SWAP70: variants seen among roughly 807,000 people sequenced by gnomAD.
SWAP70 encodes switching B cell complex subunit SWAP70.
Under a neutral mutation model 80.2 loss-of-function variants are expected in SWAP70, and 34 were observed. That is an observed-to-expected ratio of 0.42 (90% CI 0.32 to 0.56). The LOEUF is 0.56. Among genes scored for constraint, SWAP70 ranks in the 20% least tolerant of loss-of-function variants. The pLI, the probability that SWAP70 is intolerant of heterozygous loss-of-function variation, is 0.09. For missense variants in SWAP70, 578 were observed against 690.7 expected, an observed-to-expected ratio of 0.84 and a Z score of 1.83; for synonymous variants, 239 against 238.5, an observed-to-expected ratio of 1.00 and a Z score of -0.02.
intron 9 of SWAP70, among the ~76,000 whole-genome samples, chr11:9,747,346 G>A (rs1032910663): frequency 2.6e-5 from 4 of 152,206 alleles, no homozygotes; most frequent in South Asian, 4.1e-4. Context: ...TTCTGTCTGC[G>A]TTCACTCCTT....
At chr11:9,732,028 T>C (rs1437506410) in intron 6 of SWAP70, among the ~76,000 whole-genome samples, 4 of 152,230 alleles carry the variant, frequency 2.6e-5, no homozygotes, top group Non-Finnish European at 4.4e-5. Flanking sequence ...TTACCTGTTA[T>C]CTCAGGAAGG....
At chr11:9,707,923 G>GT (rs1477850788) in intron 2 of SWAP70, among the ~76,000 whole-genome samples, 2 of 152,058 alleles carry the variant, frequency 1.3e-5, no homozygotes, top group Non-Finnish European at 2.9e-5. Context: ...GGAACAGGTG[G>GT]TTTTTTTGTT....
At chr11:9,703,293 T>TA (rs1850856511) in intron 2 of SWAP70, 1 of 451,484 alleles carries the variant, frequency 2.2e-6, no homozygotes. Context: ...AACATTCCGT[T>TA]ACGGATATAC....
Position 9,747,888 on chromosome 11 carries a change from T to C in SWAP70, c.1386T>C (p.Ala462=). The C allele has an allele frequency of 6.2e-7, 1 of 1,614,188 alleles. No homozygotes were observed. ...RLLEEESSKR[A]ELEKWHLEQQ... is the part of the protein sequence containing the mutation. The stretch of plus-strand genomic sequence containing the variant: ...TGGAGGAAGAGTCTTCCAAGAGGGC[T>C]GAACTAGAAAAGTGGCACTTGGAGC... Residue 462 remains alanine (A), a synonymous_variant, in exon 10 of 12, where the codon GCT becomes GCC. Transcript: ENST00000318950.
intron 8 of SWAP70, among the ~76,000 whole-genome samples, chr11:9,739,395 C>T (rs1851406406): frequency 6.6e-6 from 1 of 152,216 alleles, no homozygotes; most frequent in Admixed American, 6.5e-5. Context: ...GCCAGAATGT[C>T]TGGTCTTGTT....
rs183987438 is a variant in SWAP70, at chr11:9,731,082, C to T, written c.899-1447C>T. Among the ~76,000 whole-genome samples the T allele has an allele frequency of 3.7e-4, 57 of 152,286 alleles. 1 individual carries two copies. Among genetic ancestry groups the T allele is most frequent in the African/African-American group, 1.2e-3 (51 of 41,560 alleles). The stretch of plus-strand genomic sequence containing the variant: ...TGCTTAGCATAGTGGCCTCTAGCTG[C>T]ATCCATGTTGCTGCAGAAGACATGA... On this transcript the variant is annotated intron_variant, in intron 6 of 11. Coordinates refer to ENST00000318950, the MANE Select transcript of SWAP70 (RefSeq NM_015055.4).
At chr11:9,722,080 G>A (rs1268691910) in intron 3 of SWAP70, among the ~76,000 whole-genome samples, 1 of 151,462 alleles carries the variant, frequency 6.6e-6, no homozygotes, top group East Asian at 1.9e-4. Context: ...ATTTTGAATG[G>A]TTGAATAGTA....
intron 1 of SWAP70, among the ~76,000 whole-genome samples, chr11:9,679,531 C>T (rs1330003188): frequency 6.6e-6 from 1 of 152,134 alleles, no homozygotes; most frequent in Non-Finnish European, 1.5e-5. Flanking sequence ...TGATCGTCTT[C>T]AGTGATGATT....
intron 7 of SWAP70, 63 bp from the exon 8 acceptor site, chr11:9,738,150 C>T: frequency 8.7e-7 from 1 of 1,143,914 alleles, no homozygotes; most frequent in Non-Finnish European, 1.2e-6. Context: ...GACTGTCTCT[C>T]TCTCTTTAAT....
chr11:9,678,475 T>G (rs1485277727), intron 1 of SWAP70, among the ~76,000 whole-genome samples: 1 of 148,826 alleles, frequency 6.7e-6, no homozygotes, highest in African/African-American at 2.4e-5. Context: ...TTGGACATTT[T>G]TATGTTTTTT....
chr11:9,680,163 C>G (rs1850549370), intron 1 of SWAP70, among the ~76,000 whole-genome samples: 1 of 152,080 alleles, frequency 6.6e-6, no homozygotes, highest in African/African-American at 2.4e-5. Flanking sequence ...AGCCTTGTCC[C>G]TTAAGTTGAG....
chr11:9,714,707 A>G (rs1851042203), intron 3 of SWAP70, among the ~76,000 whole-genome samples: 1 of 152,010 alleles, frequency 6.6e-6, no homozygotes, highest in Admixed American at 6.6e-5. Context: ...AGCAAAGGGC[A>G]TGTTCTAAAA....
intron 7 of SWAP70, 77 bp downstream of exon 7, chr11:9,732,787 G>C (rs1201054510): frequency 4.3e-5 from 58 of 1,360,972 alleles, no homozygotes; most frequent in Non-Finnish European, 5.5e-5. Context: ...AGGGGTGTTG[G>C]TTCTACCAAG....
intron 2 of SWAP70, among the ~76,000 whole-genome samples, chr11:9,712,308 A>G (rs1348617731): frequency 2.0e-5 from 3 of 152,212 alleles, no homozygotes; most frequent in Non-Finnish European, 4.4e-5. Flanking sequence ...ATTGAATTAT[A>G]CACTGTTAAA....
At chr11:9,698,636 T>C (rs2164311) in intron 2 of SWAP70, among the ~76,000 whole-genome samples, 101,084 of 152,004 alleles carry the variant, frequency 0.67, 33,978 homozygotes, top group South Asian at 0.85. Context: ...AACTCCTGAC[T>C]TCAGGTGATC....
At chr11:9,741,588 CA>C (rs1414981183) in intron 9 of SWAP70, 1 of 152,090 alleles carries the variant, frequency 6.6e-6, no homozygotes, top group Non-Finnish European at 1.5e-5. Flanking sequence ...TGTTTTTGTG[CA>C]AAGAATTCGC....
intron 2 of SWAP70, 103 bp from the exon 3 acceptor site, chr11:9,713,363 A>C: frequency 8.3e-7 from 1 of 1,209,062 alleles, no homozygotes; most frequent in South Asian, 1.7e-5. Context: ...AATTGGATTG[A>C]TTAAAATGGG....
intron 3 of SWAP70, among the ~76,000 whole-genome samples, chr11:9,722,813 T>C (rs1356047924): frequency 6.6e-6 from 1 of 152,232 alleles, no homozygotes; most frequent in African/African-American, 2.4e-5. Context: ...CCACAGCCTA[T>C]ATTTGCGTGG....
intron 2 of SWAP70, among the ~76,000 whole-genome samples, chr11:9,701,691 CTTTTTTT>C (rs1163108695): frequency 0.016 from 1,082 of 68,586 alleles, 10 homozygotes; most frequent in Middle Eastern, 0.034. Context: ...TTTGTGGGCT[CTTTTTTT>C]TTTTTTTTTT....
Sources: gnomAD v4.1 joint callset for allele counts (sites outside exome capture counted in the v4.1 genomes callset) on GRCh38, gnomAD v4.1.1 for gene constraint, MANE v1.5 for transcripts, NCBI Gene and HGNC (gene_info 2026-07-23, HGNC 2026-07-21) for gene names.